Variants in HYCC1 observed in about 807,000 individuals in gnomAD.
HYCC1 encodes hyccin.
the HYCC1 span, among the ~76,000 whole-genome samples, chr7:23,012,077 A>G: frequency 6.6e-6 from 1 of 152,232 alleles, no homozygotes. Context: ...CTGTATCCCT[A>G]GTACCTACTC....
chr7:22,953,845 G>A, the HYCC1 span, among the ~76,000 whole-genome samples: 2 of 151,546 alleles, frequency 1.3e-5, no homozygotes, highest in Non-Finnish European at 3.0e-5. Flanking sequence ...TGAAAGTAAT[G>A]GAGCTTCTCA....
the HYCC1 span, chr7:22,936,038 G>C: frequency 2.0e-5 from 3 of 149,546 alleles, no homozygotes; most frequent in Non-Finnish European, 4.4e-5. Flanking sequence ...ATGACTGAAA[G>C]TGTAATTCTA....
chr7:22,983,775 A>G, the HYCC1 span: 3 of 582,786 alleles, frequency 5.1e-6, no homozygotes, highest in Non-Finnish European at 9.1e-6. Context: ...CTTCTGGAAT[A>G]CGGTAATAAA....
At chr7:22,960,432 T>G in the HYCC1 span, 2 of 1,602,950 alleles carry the variant, frequency 1.2e-6, no homozygotes, top group South Asian at 2.2e-5. Flanking sequence ...AGAAAAAATA[T>G]AGTTTAAGAT....
At chr7:22,975,060 T>C in the HYCC1 span, among the ~76,000 whole-genome samples, 46 of 152,334 alleles carry the variant, frequency 3.0e-4, no homozygotes, top group African/African-American at 1.1e-3. Flanking sequence ...TATTTCTTCA[T>C]AGCAGTATGA....
the HYCC1 span, among the ~76,000 whole-genome samples, chr7:22,901,775 A>G: frequency 6.6e-6 from 1 of 152,188 alleles, no homozygotes; most frequent in Non-Finnish European, 1.5e-5. Context: ...CTCAAAATAC[A>G]TGAAGAAAAA....
chr7:22,910,587 C>T, the HYCC1 span, among the ~76,000 whole-genome samples: 5 of 152,012 alleles, frequency 3.3e-5, no homozygotes, highest in East Asian at 3.8e-4. Context: ...ACATGAAAAA[C>T]GAGGGTAGGA....
chr7:22,964,403 T>G, the HYCC1 span: 2,283 of 1,364,080 alleles, frequency 1.7e-3, no homozygotes, highest in Non-Finnish European at 2.2e-3. Context: ...TCGCATATGA[T>G]GAGATACTTA....
At chr7:22,915,790 C>T in the HYCC1 span, among the ~76,000 whole-genome samples, 1 of 152,174 alleles carries the variant, frequency 6.6e-6, no homozygotes, top group Non-Finnish European at 1.5e-5. Context: ...TAAAACTCCC[C>T]AACTCTGGTG....
the HYCC1 span, among the ~76,000 whole-genome samples, chr7:22,957,042 T>C: frequency 6.6e-6 from 1 of 152,098 alleles, no homozygotes; most frequent in Non-Finnish European, 1.5e-5. Flanking sequence ...CATTCTAGGA[T>C]AGCTTTAAAA....
chr7:22,996,430 T>G, the HYCC1 span, among the ~76,000 whole-genome samples: 3 of 151,806 alleles, frequency 2.0e-5, no homozygotes, highest in Admixed American at 1.3e-4. Flanking sequence ...TTATTTTAGA[T>G]TCAGGAGGTA....
chr7:22,952,548 A>G, the HYCC1 span, among the ~76,000 whole-genome samples: 2 of 152,060 alleles, frequency 1.3e-5, no homozygotes, highest in African/African-American at 2.4e-5. Context: ...TCAAGAGGTC[A>G]TATCACCAGG....
At chr7:22,999,382 C>A in the HYCC1 span, among the ~76,000 whole-genome samples, 2 of 152,118 alleles carry the variant, frequency 1.3e-5, no homozygotes, top group Admixed American at 1.3e-4. Flanking sequence ...TCAGTAAGCC[C>A]TGATAACTAA....
chr7:22,984,042 A>C, the HYCC1 span: 5 of 1,554,506 alleles, frequency 3.2e-6, no homozygotes, highest in Non-Finnish European at 4.4e-6. Flanking sequence ...GTTTCTGGTA[A>C]TGTCTAAACA....
chr7:22,897,244 A>T, the HYCC1 span, among the ~76,000 whole-genome samples: 2 of 152,140 alleles, frequency 1.3e-5, no homozygotes, highest in South Asian at 4.1e-4. Context: ...GAAGGAAATG[A>T]GGGAGGTACG....
At chr7:22,937,021 T>C in the HYCC1 span, 1 of 152,136 alleles carries the variant, frequency 6.6e-6, no homozygotes, top group Non-Finnish European at 1.5e-5. Context: ...AAGGAAAGAA[T>C]AAATATTGAA....
the HYCC1 span, among the ~76,000 whole-genome samples, chr7:22,970,806 C>T: frequency 4.9e-3 from 752 of 152,262 alleles, 6 homozygotes; most frequent in African/African-American, 0.017. Context: ...AAAAACAAAG[C>T]AATAAAGCTA....
chr7:22,899,242 T>C, the HYCC1 span, among the ~76,000 whole-genome samples: 1 of 152,282 alleles, frequency 6.6e-6, no homozygotes, highest in East Asian at 1.9e-4. Context: ...AGACTCCCCA[T>C]GCTGTCCCTC....
At chr7:22,897,451 G>C in the HYCC1 span, among the ~76,000 whole-genome samples, 1 of 152,186 alleles carries the variant, frequency 6.6e-6, no homozygotes, top group Non-Finnish European at 1.5e-5. Flanking sequence ...AATAAGACCA[G>C]AAAGGAGGTT....
Sources: allele counts gnomAD v4.1 joint callset (sites outside exome capture counted in the v4.1 genomes callset), GRCh38; gene constraint gnomAD v4.1.1; transcripts MANE v1.5; gene names NCBI Gene and HGNC (gene_info 2026-07-23, HGNC 2026-07-21).